TRMT11: variants seen among roughly 807,000 people sequenced by gnomAD.
TRMT11 encodes the protein tRNA (guanine(10)-N(2))-methyltransferase TRMT11.
In TRMT11, 53 loss-of-function variants were observed where a neutral mutation model predicts 62.8. The ratio of observed to expected loss-of-function variants is 0.84; its 90% CI spans 0.68 to 1.06. The LOEUF is 1.06. TRMT11 is among the 50% of genes least tolerant of loss of function. The probability of loss-of-function intolerance (pLI) is 0.00; values close to 1 mark genes in which losing one functional copy is unlikely to be tolerated. For synonymous variants in TRMT11, 188 were observed against 190.3 expected, an observed-to-expected ratio of 0.99 and a Z score of 0.10; for missense variants, 556 against 553.4, an observed-to-expected ratio of 1.00 and a Z score of -0.05.
intron 1 of TRMT11, among the ~76,000 whole-genome samples, chr6:126,197,448 A>G (rs1778679547): frequency 6.6e-6 from 1 of 152,228 alleles, no homozygotes; most frequent in Non-Finnish European, 1.5e-5. Context: ...ACTTAATCAT[A>G]TAATAGGAAC....
chr6:126,053,624 G>A (rs1476366977), intron 17 of TRMT11, among the ~76,000 whole-genome samples: 3 of 152,010 alleles, frequency 2.0e-5, no homozygotes, highest in Non-Finnish European at 4.4e-5. Context: ...CCACAATAAA[G>A]GCTCTTGTCC....
the TRMT11 span, among the ~76,000 whole-genome samples, chr6:126,218,119 G>A: frequency 6.6e-6 from 1 of 152,164 alleles, no homozygotes; most frequent in African/African-American, 2.4e-5. Flanking sequence ...CCAGGGCAGT[G>A]GACTCCTGTG....
intron 12 of TRMT11, among the ~76,000 whole-genome samples, chr6:126,036,664 C>T (rs569896165): frequency 1.0e-3 from 158 of 152,044 alleles, no homozygotes; most frequent in African/African-American, 3.6e-3. Context: ...AAATAAAAAC[C>T]GAAGAAAAAC....
At chr6:126,159,532 C>T (rs1204065122) in intron 21 of TRMT11, among the ~76,000 whole-genome samples, 3 of 152,222 alleles carry the variant, frequency 2.0e-5, no homozygotes, top group Non-Finnish European at 2.9e-5. Flanking sequence ...TAGAGGAAAG[C>T]TGCTTGTCAA....
chr6:126,157,745 A>G (rs1263484708), intron 21 of TRMT11, among the ~76,000 whole-genome samples: 1 of 152,188 alleles, frequency 6.6e-6, no homozygotes, highest in Non-Finnish European at 1.5e-5. Context: ...TTACATTTGG[A>G]TTTCTATTAA....
At chr6:126,188,679 G>A (rs868116161) in intron 1 of TRMT11, among the ~76,000 whole-genome samples, 3 of 152,086 alleles carry the variant, frequency 2.0e-5, no homozygotes, top group South Asian at 2.1e-4. Flanking sequence ...AAAGTTGTTC[G>A]TACCTTCAAA....
chr6:126,240,065 CT>C, the TRMT11 span, among the ~76,000 whole-genome samples: 1 of 152,192 alleles, frequency 6.6e-6, no homozygotes, highest in Non-Finnish European at 1.5e-5. Context: ...CCATCAGGTC[CT>C]TTAAGGACTT....
intron 17 of TRMT11, among the ~76,000 whole-genome samples, chr6:126,076,328 G>A (rs115644633): frequency 1.9e-3 from 294 of 152,302 alleles, no homozygotes; most frequent in African/African-American, 6.8e-3. Context: ...GGCCATATCT[G>A]CCTATGTGAC....
chr6:126,201,490 T>C (rs1367336236), intron 3 of TRMT11, among the ~76,000 whole-genome samples: 1 of 152,220 alleles, frequency 6.6e-6, no homozygotes, highest in Non-Finnish European at 1.5e-5. Context: ...TTTCCACAGA[T>C]GTCCCTCCTG....
intron 1 of TRMT11, among the ~76,000 whole-genome samples, chr6:125,992,597 C>G (rs1452960324): frequency 6.6e-6 from 1 of 152,172 alleles, no homozygotes; most frequent in Non-Finnish European, 1.5e-5. Context: ...TTCACCTAAC[C>G]TGATGAGGTA....
At chr6:126,128,293 T>TTTTC (rs1430680639) in intron 21 of TRMT11, among the ~76,000 whole-genome samples, 1 of 152,096 alleles carries the variant, frequency 6.6e-6, no homozygotes, top group African/African-American at 2.4e-5. Flanking sequence ...TATATATTCA[T>TTTTC]TTTCTTCCTT....
the TRMT11 span, among the ~76,000 whole-genome samples, chr6:126,271,765 T>C: frequency 2.0e-5 from 3 of 152,126 alleles, no homozygotes; most frequent in African/African-American, 7.2e-5. Context: ...AGGAAGGTCA[T>C]AATTTTATTT....
intron 7 of TRMT11, among the ~76,000 whole-genome samples, chr6:126,006,507 A>C (rs1793373858): frequency 6.6e-6 from 1 of 151,996 alleles, no homozygotes; most frequent in African/African-American, 2.4e-5. Context: ...CCGAGTTGCT[A>C]GCATAGATCA....
At chr6:126,183,181 A>T (rs984754440) in intron 1 of TRMT11, among the ~76,000 whole-genome samples, 1 of 152,186 alleles carries the variant, frequency 6.6e-6, no homozygotes, top group East Asian at 1.9e-4. Flanking sequence ...CACTTTGGCA[A>T]CACCATCAAC....
Position 125,998,041 on chromosome 6 carries a change from T to G in TRMT11, c.213-12T>G, listed in dbSNP as rs1201295283. On this transcript the variant is annotated splice_polypyrimidine_tract_variant and intron_variant, in intron 3 of 12. Coordinates refer to ENST00000334379, the MANE Select transcript of TRMT11 (RefSeq NM_001031712.3). The stretch of plus-strand genomic sequence containing the variant: ...TCTTTACTGAGGTTAGTACCAATCA[T>G]TTATTTCCTAGGTCTATATTTGAAC... The G allele has an allele frequency of 1.3e-6, 2 of 1,596,104 alleles. No individual in the cohort carries two copies. The highest frequency in any genetic ancestry group is 3.3e-5 in the Admixed American group (2 of 59,972).
chr6:126,147,641 T>G (rs1485518669), intron 21 of TRMT11, among the ~76,000 whole-genome samples: 1 of 152,150 alleles, frequency 6.6e-6, no homozygotes, highest in East Asian at 1.9e-4. Flanking sequence ...CCTTACCTCA[T>G]GTCCTCACTC....
At chr6:126,263,584 A>C in the TRMT11 span, among the ~76,000 whole-genome samples, 1 of 152,236 alleles carries the variant, frequency 6.6e-6, no homozygotes, top group African/African-American at 2.4e-5. Context: ...TAAAGGGCTA[A>C]TATTGGACAA....
chr6:126,214,057 T>C, the TRMT11 span, among the ~76,000 whole-genome samples: 1 of 152,076 alleles, frequency 6.6e-6, no homozygotes, highest in African/African-American at 2.4e-5. Flanking sequence ...GATTTGTGCA[T>C]GTTCAACGAT....
intron 17 of TRMT11, among the ~76,000 whole-genome samples, chr6:126,105,400 G>A (rs1406600791): frequency 6.6e-6 from 1 of 152,086 alleles, no homozygotes; most frequent in Non-Finnish European, 1.5e-5. Flanking sequence ...CCAAAATTAT[G>A]AACAATAAAA....
Sources: gnomAD v4.1 joint callset for allele counts (sites outside exome capture counted in the v4.1 genomes callset) on GRCh38, gnomAD v4.1.1 for gene constraint, MANE v1.5 for transcripts, NCBI Gene and HGNC (gene_info 2026-07-23, HGNC 2026-07-21) for gene names.